CACNA1C: variants seen among roughly 807,000 people sequenced by gnomAD.
The protein encoded by CACNA1C is calcium voltage-gated channel subunit alpha1 C.
CACNA1C carries 30 observed loss-of-function variants against 229.0 expected under a neutral mutation model. That is an observed-to-expected ratio of 0.13 (90% CI 0.10 to 0.18). The LOEUF (loss-of-function observed/expected upper bound fraction) is 0.18, where lower values mean the gene tolerates loss of function less well. CACNA1C is among the 10% of genes least tolerant of loss of function. The pLI, the probability that CACNA1C is intolerant of heterozygous loss-of-function variation, is 1.00. For missense variants in CACNA1C, 1,658 were observed against 2,845.0 expected (o/e 0.58, Z 9.49); for synonymous variants, 1,114 against 1,132.5 (o/e 0.98, Z 0.33).
intron 1 of CACNA1C, among the ~76,000 whole-genome samples, chr12:1,999,928 A>G (rs117287359): frequency 0.026 from 3,912 of 152,300 alleles, 85 homozygotes; most frequent in Middle Eastern, 0.054. Context: ...TATCCAAGTC[A>G]AAATGAAAAA....
intron 1 of CACNA1C, chr12:1,998,108 C>T: frequency 1.5e-6 from 1 of 689,334 alleles, no homozygotes; most frequent in African/African-American, 1.9e-5. Flanking sequence ...AGGAGTTATT[C>T]TCAGGAAAAG....
At chr12:2,445,005 C>T (rs2154561803) in intron 3 of CACNA1C, among the ~76,000 whole-genome samples, 1 of 152,318 alleles carries the variant, frequency 6.6e-6, no homozygotes, top group African/African-American at 2.4e-5. Context: ...CCACAAAGTT[C>T]CTGGTCATCT....
chr12:2,266,955 A>G (rs2082616072), intron 3 of CACNA1C, among the ~76,000 whole-genome samples: 1 of 152,262 alleles, frequency 6.6e-6, no homozygotes, highest in Non-Finnish European at 1.5e-5. Context: ...CAGTGATAAC[A>G]GGAGTATCTG....
At chr12:2,371,455 C>T (rs1427993568) in intron 3 of CACNA1C, among the ~76,000 whole-genome samples, 1 of 151,796 alleles carries the variant, frequency 6.6e-6, no homozygotes, top group African/African-American at 2.4e-5. Flanking sequence ...AACACAAGCA[C>T]CTGAGGAGCT....
chr12:2,248,711 A>G (rs753344053), intron 3 of CACNA1C, among the ~76,000 whole-genome samples: 2 of 152,252 alleles, frequency 1.3e-5, no homozygotes, highest in Non-Finnish European at 2.9e-5. Context: ...GGAAAGAAGT[A>G]ACCGAAAGAC....
At chr12:2,612,149 G>T in intron 29 of CACNA1C, 136 bp downstream of exon 29, 2 of 635,886 alleles carry the variant, frequency 3.1e-6, no homozygotes, top group East Asian at 5.6e-5. Flanking sequence ...TGCTCCGATG[G>T]TCAGTGCCCC....
intron 1 of CACNA1C, among the ~76,000 whole-genome samples, chr12:2,017,206 C>T (rs2045546134): frequency 6.6e-6 from 1 of 152,146 alleles, no homozygotes; most frequent in South Asian, 2.1e-4. Context: ...CTACATGAGA[C>T]TGGGATGGTG....
At chr12:2,247,337 T>C (rs145029718) in intron 3 of CACNA1C, among the ~76,000 whole-genome samples, 41 of 152,334 alleles carry the variant, frequency 2.7e-4, no homozygotes, top group Middle Eastern at 3.4e-3. Flanking sequence ...AGGGTCTGTT[T>C]TTCCTATAAG....
intron 4 of CACNA1C, among the ~76,000 whole-genome samples, chr12:2,452,011 T>C (rs1232368101): frequency 6.6e-6 from 1 of 152,176 alleles, no homozygotes; most frequent in Non-Finnish European, 1.5e-5. Context: ...CTTTTTCTGC[T>C]TCCTTTGCAA....
intron 3 of CACNA1C, among the ~76,000 whole-genome samples, chr12:2,160,853 G>A (rs539632957): frequency 6.8e-4 from 103 of 152,230 alleles, no homozygotes; most frequent in Middle Eastern, 3.4e-3. Flanking sequence ...ACGGAGTCTT[G>A]GTCTGTCACC....
intron 1 of CACNA1C, among the ~76,000 whole-genome samples, chr12:2,035,143 G>A (rs1010391779): frequency 6.6e-6 from 1 of 152,174 alleles, no homozygotes. Flanking sequence ...GCGCCGGCGC[G>A]TGTGCCCGGG....
At chr12:2,644,838 A>T (rs1055268861) in intron 30 of CACNA1C, among the ~76,000 whole-genome samples, 1 of 151,812 alleles carries the variant, frequency 6.6e-6, no homozygotes, top group African/African-American at 2.4e-5. Context: ...GCCCTGCACC[A>T]CTCCCCTCCT....
intron 13 of CACNA1C, among the ~76,000 whole-genome samples, chr12:2,572,355 TCTCC>T (rs2055323761): frequency 9.8e-6 from 1 of 101,980 alleles, no homozygotes; most frequent in Non-Finnish European, 2.0e-5. Context: ...CTCCTCCTCC[TCTCC>T]TCCTCCTTCT....
At chr12:2,338,968 A>T (rs2096782156) in intron 3 of CACNA1C, among the ~76,000 whole-genome samples, 1 of 152,216 alleles carries the variant, frequency 6.6e-6, no homozygotes, top group Admixed American at 6.5e-5. Flanking sequence ...GCTTCCCCCC[A>T]TATCAATAAT....
At chr12:2,004,140 A>C in intron 1 of CACNA1C, 1 of 1,221,640 alleles carries the variant, frequency 8.2e-7, no homozygotes, top group South Asian at 1.4e-5. Flanking sequence ...CATCTCCACA[A>C]CTTCGGCCTC....
At chr12:2,085,943 C>G (rs1014944170) in intron 1 of CACNA1C, among the ~76,000 whole-genome samples, 2 of 152,198 alleles carry the variant, frequency 1.3e-5, no homozygotes, top group Non-Finnish European at 2.9e-5. Flanking sequence ...ATGCCGTTCC[C>G]TGTACCTGGG....
intron 3 of CACNA1C, among the ~76,000 whole-genome samples, chr12:2,425,236 G>A (rs2099018303): frequency 6.6e-6 from 1 of 152,230 alleles, no homozygotes; most frequent in South Asian, 2.1e-4. Flanking sequence ...GACAAAATTT[G>A]ACAGTGTATT....
At chr12:1,986,401 G>C (rs2037800498) in intron 1 of CACNA1C, among the ~76,000 whole-genome samples, 1 of 152,138 alleles carries the variant, frequency 6.6e-6, no homozygotes, top group Non-Finnish European at 1.5e-5. Context: ...CAGGGTTTTA[G>C]ACTCTCACAC....
In CACNA1C at chr12:2,514,792, G is replaced by A. The variant is rs550519783; in HGVS notation, c.1390+1808G>A. Among the ~76,000 whole-genome samples the A allele has an allele frequency of 1.7e-4, 26 of 151,554 alleles. No individual in the cohort carries two copies. The South Asian group carries it at 4.8e-3, about 28-fold the overall frequency. ...ACAGAACGTTGCTATTCTGTTCTCC[G>A]CCTAAAACAGGAGCTTCCAAGGGAG... On this transcript the variant is annotated intron_variant, in intron 9 of 46. Coordinates refer to ENST00000399655, the MANE Select transcript of CACNA1C (RefSeq NM_000719.7).
Sources: allele counts gnomAD v4.1 joint callset (sites outside exome capture counted in the v4.1 genomes callset), GRCh38; gene constraint gnomAD v4.1.1; transcripts MANE v1.5; gene names NCBI Gene and HGNC (gene_info 2026-07-23, HGNC 2026-07-21).